Variants in ARHGAP26 observed in about 807,000 individuals in gnomAD.
ARHGAP26 encodes rho GTPase-activating protein 26.
A neutral mutation model predicts 104.8 loss-of-function variants in ARHGAP26; 38 were observed. The observed-to-expected ratio is 0.36, with a 90% confidence interval of 0.28 to 0.48. The LOEUF is 0.48. ARHGAP26 is among the 20% of genes least tolerant of loss of function. The pLI is 0.99. For synonymous variants in ARHGAP26, 341 were observed against 340.0 expected (o/e 1.00, Z -0.03); for missense variants, 704 against 947.9 (o/e 0.74, Z 3.38).
At chr5:143,213,284 AAAGC>A (rs1340251689) in intron 21 of ARHGAP26, among the ~76,000 whole-genome samples, 1 of 152,150 alleles carries the variant, frequency 6.6e-6, no homozygotes, top group African/African-American at 2.4e-5. Flanking sequence ...GGACATGAGA[AAAGC>A]AAAAACAAAC....
intron 12 of ARHGAP26, among the ~76,000 whole-genome samples, chr5:143,030,697 A>G (rs1309745348): frequency 1.3e-5 from 2 of 152,274 alleles, no homozygotes; most frequent in East Asian, 1.9e-4. Flanking sequence ...ATTTTGACAC[A>G]CTGCCCCTCG....
intron 19 of ARHGAP26, among the ~76,000 whole-genome samples, chr5:143,144,090 GTTGAC>G (rs1375669355): frequency 1.3e-5 from 2 of 152,114 alleles, no homozygotes; most frequent in East Asian, 1.9e-4. Flanking sequence ...CTGTGATCTT[GTTGAC>G]TTGACTCATA....
intron 17 of ARHGAP26, among the ~76,000 whole-genome samples, chr5:143,110,675 C>T (rs540582236): frequency 1.3e-5 from 2 of 152,264 alleles, no homozygotes; most frequent in South Asian, 2.1e-4. Context: ...ATTTTATAAA[C>T]TATAAAATGC....
At chr5:142,824,718 TAAG>T (rs145182236) in intron 1 of ARHGAP26, among the ~76,000 whole-genome samples, 2,167 of 152,222 alleles carry the variant, frequency 0.014, 52 homozygotes, top group African/African-American at 0.049. Flanking sequence ...CTGTGGGACT[TAAG>T]AACATATAGG....
chr5:143,048,308 T>G (rs898144239), intron 14 of ARHGAP26, among the ~76,000 whole-genome samples: 2 of 152,180 alleles, frequency 1.3e-5, no homozygotes, highest in African/African-American at 4.8e-5. Flanking sequence ...TCACCCACGC[T>G]GGAATGCAGT....
chr5:142,958,081 GC>G (rs1363415715), intron 11 of ARHGAP26, among the ~76,000 whole-genome samples: 1 of 151,984 alleles, frequency 6.6e-6, no homozygotes, highest in African/African-American at 2.4e-5. Context: ...TTGAACAGAG[GC>G]CCCCAAACCT....
chr5:143,134,389 A>G (rs2150901585), intron 19 of ARHGAP26, among the ~76,000 whole-genome samples: 1 of 152,290 alleles, frequency 6.6e-6, no homozygotes, highest in South Asian at 2.1e-4. Flanking sequence ...CTACACAATA[A>G]GAGCTGAGCT....
At chr5:143,012,550 T>TATATATATATATATATATATATATAC (rs1778935977) in intron 11 of ARHGAP26, among the ~76,000 whole-genome samples, 1 of 60,078 alleles carries the variant, frequency 1.7e-5, no homozygotes, top group Non-Finnish European at 4.4e-5. Flanking sequence ...TATACATACA[T>TATATATATATATATATATATATATAC]ACATATATAT....
intron 14 of ARHGAP26, among the ~76,000 whole-genome samples, chr5:143,050,402 A>G (rs1191552220): frequency 1.3e-5 from 2 of 151,970 alleles, no homozygotes; most frequent in African/African-American, 4.8e-5. Flanking sequence ...AGAGAACACA[A>G]TGAAGGTATT....
At chr5:142,829,781 C>T (rs1768027697) in intron 1 of ARHGAP26, among the ~76,000 whole-genome samples, 1 of 152,190 alleles carries the variant, frequency 6.6e-6, no homozygotes, top group South Asian at 2.1e-4. Context: ...GCTGTCTCCA[C>T]TGCCCCTTAC....
At chr5:142,857,679 C>T (rs988294635) in intron 1 of ARHGAP26, among the ~76,000 whole-genome samples, 2 of 152,184 alleles carry the variant, frequency 1.3e-5, no homozygotes, top group Admixed American at 1.3e-4. Flanking sequence ...CACGGTTCTT[C>T]TCTCCTCTGG....
chr5:143,187,464 T>G (rs532128079), intron 20 of ARHGAP26, among the ~76,000 whole-genome samples: 212 of 152,320 alleles, frequency 1.4e-3, no homozygotes, highest in Admixed American at 3.7e-3. Flanking sequence ...TCAAGCAAAT[T>G]TTCTGGAAGT....
intron 20 of ARHGAP26, among the ~76,000 whole-genome samples, chr5:143,193,240 CTTTT>C (rs57462040): frequency 0.045 from 3,354 of 74,510 alleles, 23 homozygotes; most frequent in Middle Eastern, 0.083. Context: ...ATTTTCTTTT[CTTTT>C]TTTTTTTTTT....
intron 20 of ARHGAP26, among the ~76,000 whole-genome samples, chr5:143,164,379 A>G (rs1253670959): frequency 6.6e-6 from 1 of 152,208 alleles, no homozygotes; most frequent in Non-Finnish European, 1.5e-5. Context: ...TTCTTTGTCT[A>G]TAAGGAAATT....
At chr5:142,805,861 G>A (rs1361934844) in intron 1 of ARHGAP26, among the ~76,000 whole-genome samples, 1 of 152,140 alleles carries the variant, frequency 6.6e-6, no homozygotes, top group Non-Finnish European at 1.5e-5. Flanking sequence ...TTTGGACCAG[G>A]AATGTCATTT....
intron 20 of ARHGAP26, among the ~76,000 whole-genome samples, chr5:143,193,759 AT>A (rs1232091471): frequency 3.3e-5 from 5 of 152,222 alleles, no homozygotes; most frequent in South Asian, 4.1e-4. Flanking sequence ...GAGACATTAC[AT>A]TCACATAATT....
At chr5:143,206,367 T>C (rs2151345726) in intron 20 of ARHGAP26, among the ~76,000 whole-genome samples, 1 of 152,356 alleles carries the variant, frequency 6.6e-6, no homozygotes, top group African/African-American at 2.4e-5. Flanking sequence ...GTCAAAGGGC[T>C]AACACAACCA....
intron 17 of ARHGAP26, among the ~76,000 whole-genome samples, chr5:143,110,878 G>A (rs1166214275): frequency 6.6e-6 from 1 of 152,224 alleles, no homozygotes; most frequent in Non-Finnish European, 1.5e-5. Flanking sequence ...AGCCTAAACT[G>A]TCCAGGATGA....
chr5:142,794,067 G>A (rs7721566), intron 1 of ARHGAP26, among the ~76,000 whole-genome samples: 1 of 152,184 alleles, frequency 6.6e-6, no homozygotes, highest in African/African-American at 2.4e-5. Context: ...CCAGACTCTC[G>A]TGACTCCAAA....
Sources: allele counts gnomAD v4.1 joint callset (sites outside exome capture counted in the v4.1 genomes callset), GRCh38; gene constraint gnomAD v4.1.1; transcripts MANE v1.5; gene names NCBI Gene and HGNC (gene_info 2026-07-23, HGNC 2026-07-21).